Variants in CPA4 observed in about 807,000 individuals in gnomAD.
CPA4 encodes the protein carboxypeptidase A4, also known as carboxypeptidase A3.
A neutral mutation model predicts 54.7 loss-of-function variants in CPA4; 49 were observed. The ratio of observed to expected loss-of-function variants is 0.90; its 90% confidence interval spans 0.71 to 1.14. CPA4 has a LOEUF of 1.14. Among genes scored for constraint, CPA4 ranks in the 50% most tolerant of loss-of-function variants. The pLI is 0.00. For missense variants in CPA4, 487 were observed against 525.1 expected, an observed-to-expected ratio of 0.93 and a Z score of 0.71; for synonymous variants, 215 against 206.8, an observed-to-expected ratio of 1.04 and a Z score of -0.34.
In CPA4 at chr7:130,313,852, C is replaced by T. The variant is rs369696949; in HGVS notation, c.1078+1730C>T. ...AAAGAACAAGACTTCGTTGTAAATA[C>T]AGGTGGAGATATGGAAAGAAAACAA... On this transcript the variant is annotated intron_variant, in intron 10 of 10. Transcript: ENST00000222482. 3.3e-5 allele frequency among the ~76,000 whole-genome samples: 5 copies of T among 152,306 alleles called. No individual in the cohort carries two copies. In the East Asian group the frequency reaches 7.7e-4, roughly 23 times the overall value.
At chr7:130,309,613 C>T (rs542278141) in intron 8 of CPA4, among the ~76,000 whole-genome samples, 38 of 152,268 alleles carry the variant, frequency 2.5e-4, no homozygotes, top group Non-Finnish European at 4.9e-4. Flanking sequence ...TCTCACCTAG[C>T]GAGTGAATTT....
chr7:130,299,143 T>A, intron 2 of CPA4, 127 bp from the exon 3 acceptor site: 1 of 999,242 alleles, frequency 1.0e-6, no homozygotes, highest in African/African-American at 1.6e-5. Context: ...TGGGCAAACT[T>A]TGCCCTTGGG....
At chr7:130,303,549 C>T (rs1377906567) in intron 4 of CPA4, among the ~76,000 whole-genome samples, 2 of 152,032 alleles carry the variant, frequency 1.3e-5, no homozygotes, top group Non-Finnish European at 2.9e-5. Flanking sequence ...ATGGTGCATG[C>T]TAATTTTTTA....
intron 10 of CPA4, among the ~76,000 whole-genome samples, chr7:130,319,726 A>G (rs927000516): frequency 9.9e-5 from 15 of 152,186 alleles, no homozygotes; most frequent in African/African-American, 3.4e-4. Context: ...TATTAAGCAG[A>G]TAAAGTCCTC....
intron 10 of CPA4, among the ~76,000 whole-genome samples, chr7:130,316,669 G>A (rs1793991445): frequency 6.6e-6 from 1 of 152,144 alleles, no homozygotes; most frequent in African/African-American, 2.4e-5. Flanking sequence ...TGGGCGCGTT[G>A]GCTCACGCCT....
chr7:130,313,654 G>A (rs1050717322), intron 10 of CPA4, among the ~76,000 whole-genome samples: 1 of 152,128 alleles, frequency 6.6e-6, no homozygotes, highest in Non-Finnish European at 1.5e-5. Context: ...TACACCTAAG[G>A]CCTCCATCAA....
chr7:130,300,740 A>G (rs1793727092), intron 3 of CPA4, 76 bp from the exon 4 acceptor site: 3 of 975,136 alleles, frequency 3.1e-6, no homozygotes, highest in African/African-American at 3.2e-5. Context: ...GCTGACCCAT[A>G]TGCAAAGATA....
intron 4 of CPA4, among the ~76,000 whole-genome samples, chr7:130,302,027 G>A (rs920695815): frequency 1.3e-5 from 2 of 152,196 alleles, no homozygotes; most frequent in African/African-American, 4.8e-5. Flanking sequence ...GACTGCTGGA[G>A]CCTCACTGTC....
At position 130,324,131 on chromosome 7, in the gene CPA4, C is replaced by G. The variant is rs567686884; in HGVS notation, c.*1455C>G. On this transcript the variant is annotated 3_prime_UTR_variant, in exon 11 of 11. Coordinates refer to ENST00000222482, the MANE Select transcript of CPA4 (RefSeq NM_016352.4). ...CTTAACCTCCTGCCTAGGATTTGTA[C>G]AGCATCTGGTGTGTGCTTATAAGCC... The G allele has an allele frequency of 1.3e-5, 2 of 152,728 alleles. No homozygotes were observed. The highest frequency in any genetic ancestry group is 3.9e-4 in the East Asian group (2 of 5,188). The allele number at this position is 152,728 out of a possible 1,614,324, so 9.5% of individuals were successfully genotyped here.
Position 130,318,058 on chromosome 7 carries a change from T to C in CPA4, c.1079-4431T>C, listed in dbSNP as rs190252971. Among the ~76,000 whole-genome samples, 285 of 152,342 alleles carry C rather than the reference T, an allele frequency of 1.9e-3. 2 individuals are homozygous for C. Among genetic ancestry groups the C allele is most frequent in the African/African-American group, 6.0e-3 (248 of 41,570 alleles). On this transcript the variant is annotated intron_variant, in intron 10 of 10. Coordinates refer to ENST00000222482, the MANE Select transcript of CPA4 (RefSeq NM_016352.4). Reference sequence around the variant, plus strand: ...GCAGCAACAATCCATTAATAATTCATGGTTTCTTGATATTAGTGTTGCTAA... The same window carrying C: ...GCAGCAACAATCCATTAATAATTCACGGTTTCTTGATATTAGTGTTGCTAA...
At chr7:130,307,629 C>CAAAAAA (rs139677506) in intron 7 of CPA4, among the ~76,000 whole-genome samples, 1 of 127,216 alleles carries the variant, frequency 7.9e-6, no homozygotes. Context: ...GACTCCATCT[C>CAAAAAA]AGAAAAAAAA....
At chr7:130,300,739 T>TA (rs201567137) in intron 3 of CPA4, 77 bp from the exon 4 acceptor site, 14,627 of 950,694 alleles carry the variant, frequency 0.015, 189 homozygotes, top group Admixed American at 0.048. Context: ...GGCTGACCCA[T>TA]ATGCAAAGAT....
rs536255910 is a variant in CPA4 at position 130,302,858 on chromosome 7, T to C, written c.385-1620T>C. ...ATGCTGGGTCCTATGGCTCTCCTCC[T>C]AGTCCAGGTTTGCCTAAGCCTGTAG... On this transcript the variant is annotated intron_variant, in intron 4 of 10. Coordinates refer to ENST00000222482, the MANE Select transcript of CPA4 (RefSeq NM_016352.4). 3.0e-3 allele frequency among the ~76,000 whole-genome samples: 454 copies of C among 152,260 alleles called. 3 individuals are homozygous for C. The highest frequency in any genetic ancestry group is 0.01 in the African/African-American group (426 of 41,562).
Position 130,300,914 on chromosome 7 carries a change from TGTAA to T in CPA4, c.384+3_384+6del, listed in dbSNP as rs774975373. On this transcript the variant is annotated splice_donor_variant and splice_donor_region_variant and intron_variant, in intron 4 of 10. Coordinates refer to ENST00000222482, the MANE Select transcript of CPA4 (RefSeq NM_016352.4). LOFTEE classifies it high-confidence loss of function. ...ACGGGGCTTACCATTCCCTGGAAGC[TGTAA>T]GTGTTTCAGAGTGGGTTAAGATCAA... 14 of 1,602,110 alleles carry T rather than the reference TGTAA, an allele frequency of 8.7e-6. No individual in the cohort carries two copies. Among genetic ancestry groups the T allele is most frequent in the Admixed American group, 8.3e-5 (5 of 59,980 alleles).
rs894787489 is a variant in CPA4 at position 130,308,086 on chromosome 7, A to G, written c.703-221A>G. ...ACTGGTTCTAGCATATAAAGGTCTC[A>G]TCAGTACATTTGGAAGAAGTCCTTC... On this transcript the variant is annotated intron_variant, in intron 7 of 10. Coordinates refer to ENST00000222482, the MANE Select transcript of CPA4 (RefSeq NM_016352.4). The G allele has an allele frequency of 8.6e-6, 5 of 579,116 alleles. No homozygotes were observed. The African/African-American group carries it at 9.4e-5, about 11-fold the overall frequency. The allele number at this position is 579,116 out of a possible 1,614,324, so 35.9% of individuals were successfully genotyped here. A position where few individuals can be genotyped will look rare whatever the true frequency, so the allele number is the denominator to read the frequency against.
At chr7:130,319,623 A>T (rs1217965199) in intron 10 of CPA4, among the ~76,000 whole-genome samples, 1 of 152,210 alleles carries the variant, frequency 6.6e-6, no homozygotes, top group Non-Finnish European at 1.5e-5. Context: ...ACCCTTTTTC[A>T]TACAGGAGGG....
intron 5 of CPA4, among the ~76,000 whole-genome samples, chr7:130,305,006 G>C (rs575269965): frequency 6.6e-6 from 1 of 152,234 alleles, no homozygotes; most frequent in South Asian, 2.1e-4. Flanking sequence ...TCTGATCCTT[G>C]GTTGCACAAA....
At chr7:130,295,640 G>A (rs1017046861) in intron 1 of CPA4, among the ~76,000 whole-genome samples, 1 of 152,164 alleles carries the variant, frequency 6.6e-6, no homozygotes, top group Non-Finnish European at 1.5e-5. Context: ...ATTGCACCCC[G>A]CAATGTCCTC....
intron 4 of CPA4, among the ~76,000 whole-genome samples, chr7:130,301,542 A>G (rs1793737958): frequency 1.3e-5 from 2 of 152,044 alleles, no homozygotes; most frequent in African/African-American, 4.8e-5. Flanking sequence ...GTTCTCTTAC[A>G]CCCCTCAGTG....
Sources: allele counts gnomAD v4.1 joint callset (sites outside exome capture counted in the v4.1 genomes callset), GRCh38; gene constraint gnomAD v4.1.1; transcripts MANE v1.5; gene names NCBI Gene and HGNC (gene_info 2026-07-23, HGNC 2026-07-21).